ARHGAP15: variants seen among roughly 807,000 people sequenced by gnomAD.
ARHGAP15 encodes the protein rho GTPase-activating protein 15.
Under a neutral mutation model 63.7 loss-of-function variants are expected in ARHGAP15, and 51 were observed. The observed-to-expected ratio is 0.80, with a 90% CI of 0.64 to 1.01. The LOEUF is 1.01. Among genes scored for constraint, ARHGAP15 ranks in the 50% least tolerant of loss-of-function variants. The probability of loss-of-function intolerance (pLI) is 0.00; values close to 1 mark genes in which losing one functional copy is unlikely to be tolerated. For missense variants in ARHGAP15, 560 were observed against 564.6 expected (o/e 0.99, Z 0.08); for synonymous variants, 191 against 193.8 (o/e 0.99, Z 0.12).
chr2:143,676,835 A>G (rs1239212821), intron 12 of ARHGAP15, among the ~76,000 whole-genome samples: 1 of 152,252 alleles, frequency 6.6e-6, no homozygotes, highest in Non-Finnish European at 1.5e-5. Context: ...AAAAGGTGCC[A>G]ACAGACTTGC....
intron 1 of ARHGAP15, among the ~76,000 whole-genome samples, chr2:143,145,173 G>A: frequency 6.6e-6 from 1 of 152,042 alleles, no homozygotes; most frequent in East Asian, 1.9e-4. Flanking sequence ...ACTCTCAGGT[G>A]AAACATTAAC....
At chr2:143,461,054 C>A (rs1000325267) in intron 8 of ARHGAP15, among the ~76,000 whole-genome samples, 1 of 152,032 alleles carries the variant, frequency 6.6e-6, no homozygotes, top group African/African-American at 2.4e-5. Flanking sequence ...CTTTGAGAGG[C>A]CAAAGCAGAT....
chr2:143,694,507 A>G (rs895761936), intron 12 of ARHGAP15, among the ~76,000 whole-genome samples: 7 of 152,136 alleles, frequency 4.6e-5, no homozygotes, highest in Non-Finnish European at 2.9e-5. Flanking sequence ...CTGTGACTCT[A>G]TGTGGTAATA....
intron 2 of ARHGAP15, among the ~76,000 whole-genome samples, chr2:143,182,230 T>C (rs1333995065): frequency 6.6e-6 from 1 of 152,146 alleles, no homozygotes; most frequent in African/African-American, 2.4e-5. Context: ...CCCAAATTGC[T>C]GGAATTAAGT....
intron 6 of ARHGAP15, among the ~76,000 whole-genome samples, chr2:143,324,054 G>T (rs1342307319): frequency 6.6e-6 from 1 of 152,062 alleles, no homozygotes; most frequent in Non-Finnish European, 1.5e-5. Flanking sequence ...GAGGCCATGT[G>T]CTATCCCATC....
intron 6 of ARHGAP15, among the ~76,000 whole-genome samples, chr2:143,407,852 C>A (rs943442270): frequency 4.7e-5 from 7 of 149,912 alleles, no homozygotes; most frequent in East Asian, 1.9e-4. Flanking sequence ...TTTCCTTTAC[C>A]ATTTGCATTT....
intron 8 of ARHGAP15, 54 bp from the exon 9 acceptor site, chr2:143,487,319 A>G: frequency 6.4e-7 from 1 of 1,567,944 alleles, no homozygotes. Context: ...TGCATAAAGT[A>G]ATAATCATAA....
chr2:143,167,905 G>C (rs1690612652), intron 2 of ARHGAP15, among the ~76,000 whole-genome samples: 1 of 152,092 alleles, frequency 6.6e-6, no homozygotes, highest in African/African-American at 2.4e-5. Context: ...TACCTGCTTG[G>C]CCCTAAGGAC....
intron 6 of ARHGAP15, among the ~76,000 whole-genome samples, chr2:143,254,830 G>A (rs1027608630): frequency 6.6e-6 from 1 of 150,566 alleles, no homozygotes; most frequent in Non-Finnish European, 1.5e-5. Context: ...GGGTACAGTT[G>A]CATTCCTTTA....
At chr2:143,667,692 A>G (rs557528544) in intron 12 of ARHGAP15, among the ~76,000 whole-genome samples, 4 of 152,106 alleles carry the variant, frequency 2.6e-5, no homozygotes, top group African/African-American at 9.6e-5. Context: ...ATAAAATTTC[A>G]GAAAAAAAAA....
At chr2:143,365,028 TAAA>T (rs1409093359) in intron 6 of ARHGAP15, among the ~76,000 whole-genome samples, 2 of 151,760 alleles carry the variant, frequency 1.3e-5, no homozygotes, top group Non-Finnish European at 2.9e-5. Flanking sequence ...AATAAATAAA[TAAA>T]TAAATAGTTT....
At chr2:143,449,440 A>T (rs1054690784) in intron 8 of ARHGAP15, among the ~76,000 whole-genome samples, 1 of 152,124 alleles carries the variant, frequency 6.6e-6, no homozygotes, top group Non-Finnish European at 1.5e-5. Context: ...TCAAGCAAGA[A>T]TAATAGTATT....
At chr2:143,760,351 C>A (rs1481331848) in intron 13 of ARHGAP15, among the ~76,000 whole-genome samples, 1 of 152,104 alleles carries the variant, frequency 6.6e-6, no homozygotes, top group African/African-American at 2.4e-5. Flanking sequence ...CAAACAGTAA[C>A]TACTGTAAAT....
chr2:143,630,754 C>T (rs1405682050), intron 12 of ARHGAP15, among the ~76,000 whole-genome samples: 2 of 152,014 alleles, frequency 1.3e-5, no homozygotes, highest in Non-Finnish European at 2.9e-5. Context: ...AGCATATACT[C>T]CTTCCCACCC....
At chr2:143,162,252 G>C (rs182651290) in intron 2 of ARHGAP15, 15 of 152,080 alleles carry the variant, frequency 9.9e-5, no homozygotes, top group Admixed American at 9.2e-4. Flanking sequence ...CTGTAATACA[G>C]CTGACCCCGA....
chr2:143,175,720 T>A lies in ARHGAP15; in HGVS notation c.165+20065T>A, dbSNP rs114340434. Among the ~76,000 whole-genome samples, 566 of 152,232 alleles carry A rather than the reference T, an allele frequency of 3.7e-3. 3 individuals are homozygous for A. Among genetic ancestry groups the A allele is most frequent in the African/African-American group, 0.013 (524 of 41,542 alleles). On this transcript the variant is annotated intron_variant, in intron 2 of 13. Coordinates refer to ENST00000295095, the MANE Select transcript of ARHGAP15 (RefSeq NM_018460.4). ...CTCTTTTAAAGTTGCTTCCTTGAAC[T>A]TAGAAATGGGTGCAATATTTTGGGG...
chr2:143,586,701 C>T (rs1697123964), intron 11 of ARHGAP15, among the ~76,000 whole-genome samples: 1 of 151,656 alleles, frequency 6.6e-6, no homozygotes, highest in Non-Finnish European at 1.5e-5. Context: ...TATAGGTTAA[C>T]TATTTGTCTG....
chr2:143,411,339 CAG>C (rs1688437965), intron 6 of ARHGAP15, among the ~76,000 whole-genome samples: 1 of 152,140 alleles, frequency 6.6e-6, no homozygotes, highest in African/African-American at 2.4e-5. Flanking sequence ...ATAAATTTAA[CAG>C]AAAATTATTC....
At chr2:143,353,170 T>C (rs1256817853) in intron 6 of ARHGAP15, among the ~76,000 whole-genome samples, 1 of 152,182 alleles carries the variant, frequency 6.6e-6, no homozygotes, top group African/African-American at 2.4e-5. Flanking sequence ...CACATGTTTG[T>C]AGTTCCAGCT....
Sources: allele counts gnomAD v4.1 joint callset (sites outside exome capture counted in the v4.1 genomes callset), GRCh38; gene constraint gnomAD v4.1.1; transcripts MANE v1.5; gene names NCBI Gene and HGNC (gene_info 2026-07-23, HGNC 2026-07-21).